DCX: variants seen among roughly 807,000 people sequenced by gnomAD.
The protein encoded by DCX is doublecortin, also known as neuronal migration protein doublecortin.
A neutral mutation model predicts 20.9 loss-of-function variants in DCX; 4 were observed. The observed-to-expected ratio is 0.19, with a 90% CI of 0.09 to 0.44. The LOEUF (loss-of-function observed/expected upper bound fraction) is 0.44. Ranked by LOEUF, DCX falls within the 20% of genes least tolerant of loss-of-function variation. The pLI, the probability that DCX is intolerant of heterozygous loss-of-function variation, is 0.99. For synonymous variants in DCX, 103 were observed against 111.4 expected (o/e 0.92, Z 0.47); for missense variants, 133 against 296.9 (o/e 0.45, Z 4.06).
intron 4 of DCX, among the ~76,000 whole-genome samples, chrX:111,332,777 G>T (rs1435169494): frequency 8.9e-6 from 1 of 112,003 alleles, no homozygotes; most frequent in East Asian, 2.8e-4. Context: ...GTTATCCCAT[G>T]TGACACAATA....
At chrX:111,314,572 A>G (rs1196214587) in intron 5 of DCX, among the ~76,000 whole-genome samples, 5 of 111,885 alleles carry the variant, frequency 4.5e-5, no homozygotes, top group Non-Finnish European at 7.5e-5. Context: ...AAAGTCTGCT[A>G]ATGGGTACAA....
chrX:111,397,729 AAAC>A (rs1426491242), intron 3 of DCX, among the ~76,000 whole-genome samples: 3 of 111,987 alleles, frequency 2.7e-5, no homozygotes, highest in South Asian at 7.5e-4. Context: ...TGTTTTATGT[AAAC>A]AACATTTTCT....
Position 111,364,615 on chromosome X carries a change from T to C in DCX, c.706-31462A>G, listed in dbSNP as rs190949790. Reference sequence around the variant, plus strand: ...TTGCAAGCATGTTCAAGGAGATGTGTACAATATACCATTTTTTTGTAATAG... The same window carrying C: ...TTGCAAGCATGTTCAAGGAGATGTGCACAATATACCATTTTTTTGTAATAG... On this transcript the variant is annotated intron_variant, in intron 3 of 6. Coordinates refer to ENST00000636035, the MANE Select transcript of DCX (RefSeq NM_001195553.2). 2.2e-4 allele frequency among the ~76,000 whole-genome samples: 25 copies of C among 112,068 alleles called. 1 individual carries two copies. Among genetic ancestry groups the C allele is most frequent in the Admixed American group, 1.4e-3 (15 of 10,555 alleles).
intron 3 of DCX, among the ~76,000 whole-genome samples, chrX:111,398,866 A>G (rs185939948): frequency 4.1e-4 from 46 of 112,183 alleles, no homozygotes; most frequent in Non-Finnish European, 7.9e-4. Context: ...TAATCCTAGC[A>G]CTTTGGAAGG....
In DCX at chrX:111,336,946, AAAG is replaced by A. The variant is rs201560369; in HGVS notation, c.706-3796_706-3794del. Among the ~76,000 whole-genome samples, 184 of 111,476 alleles carry A rather than the reference AAAG, an allele frequency of 1.7e-3. 1 individual carries two copies. Among genetic ancestry groups the A allele is most frequent in the East Asian group, 3.1e-3 (11 of 3,572 alleles). ...GGAGAGGGAGAAGGAGGGAGAAAAG[AAAG>A]AAGAAGAAGAAGGAAAAGAAGGAGG... On this transcript the variant is annotated intron_variant, in intron 3 of 6. Coordinates refer to ENST00000636035, the MANE Select transcript of DCX (RefSeq NM_001195553.2).
intron 3 of DCX, among the ~76,000 whole-genome samples, chrX:111,388,559 G>A (rs1926698854): frequency 8.9e-6 from 1 of 112,225 alleles, no homozygotes; most frequent in Non-Finnish European, 1.9e-5. Flanking sequence ...GGGGAATACT[G>A]GTCTAAACAC....
intron 6 of DCX, among the ~76,000 whole-genome samples, chrX:111,301,981 ATG>A (rs1450184352): frequency 4.5e-5 from 5 of 109,894 alleles, no homozygotes; most frequent in Non-Finnish European, 9.5e-5. Flanking sequence ...TGGGGTGTGT[ATG>A]TGTGTGTGTG....
chrX:111,296,691 G>T lies in DCX; in HGVS notation c.*4996C>A, dbSNP rs1464499866. On this transcript the variant is annotated 3_prime_UTR_variant, in exon 7 of 7. Coordinates refer to ENST00000636035, the MANE Select transcript of DCX (RefSeq NM_001195553.2). ...CAGGAGAATCGCTTCGACCTGGGAG[G>T]TGAAGGGTGAAGGTTGCAGCGAGCC... The T allele has an allele frequency of 9.2e-6, 1 of 108,450 alleles. No individual in the cohort carries two copies. Among genetic ancestry groups the T allele is most frequent in the Non-Finnish European group, 1.9e-5 (1 of 52,348 alleles). The allele number at this position is 108,450 out of a possible 1,213,427, so 8.9% of individuals were successfully genotyped here. A position where few individuals can be genotyped will look rare whatever the true frequency, so the allele number is the denominator to read the frequency against.
At chrX:111,406,604 C>T in intron 2 of DCX, among the ~76,000 whole-genome samples, 1 of 111,656 alleles carries the variant, frequency 9.0e-6, no homozygotes, top group Middle Eastern at 4.6e-3. Flanking sequence ...AAATATCATC[C>T]TTCAACAAAA....
chrX:111,323,213 T>A (rs2095090869), intron 5 of DCX, among the ~76,000 whole-genome samples: 1 of 112,010 alleles, frequency 8.9e-6, no homozygotes, highest in South Asian at 3.7e-4. Flanking sequence ...TTGGAATCAG[T>A]CAAAGTTTTA....
chrX:111,337,521 G>A (rs765386483), intron 3 of DCX, among the ~76,000 whole-genome samples: 1 of 111,662 alleles, frequency 9.0e-6, no homozygotes, highest in East Asian at 2.8e-4. Flanking sequence ...ACAGATCACG[G>A]TGTCAGAGAA....
intron 3 of DCX, among the ~76,000 whole-genome samples, chrX:111,352,220 C>G (rs1923368484): frequency 8.9e-6 from 1 of 112,135 alleles, no homozygotes; most frequent in Non-Finnish European, 1.9e-5. Context: ...AAAGAATTAT[C>G]TGGGCCAGAA....
intron 3 of DCX, among the ~76,000 whole-genome samples, chrX:111,380,873 G>T (rs962158004): frequency 1.8e-5 from 2 of 110,634 alleles, no homozygotes; most frequent in Non-Finnish European, 3.8e-5. Flanking sequence ...TGCGTGTTAT[G>T]ATATTATCTT....
intron 3 of DCX, among the ~76,000 whole-genome samples, chrX:111,343,663 G>A (rs932219542): frequency 8.9e-6 from 1 of 111,848 alleles, no homozygotes; most frequent in Non-Finnish European, 1.9e-5. Flanking sequence ...TATCCCTGAT[G>A]AACATAGATG....
chrX:111,314,187 T>G (rs971453632), intron 5 of DCX, among the ~76,000 whole-genome samples: 1 of 111,882 alleles, frequency 8.9e-6, no homozygotes, highest in African/African-American at 3.3e-5. Flanking sequence ...AAGCATTCAC[T>G]GTCTGGCTTA....
At chrX:111,371,705 G>T (rs1013870501) in intron 3 of DCX, among the ~76,000 whole-genome samples, 3 of 110,595 alleles carry the variant, frequency 2.7e-5, no homozygotes, top group Non-Finnish European at 3.8e-5. Flanking sequence ...ATGACAGATA[G>T]AAAAAATAGG....
At chrX:111,310,847 A>T (rs900171759) in intron 6 of DCX, among the ~76,000 whole-genome samples, 2 of 112,365 alleles carry the variant, frequency 1.8e-5, no homozygotes, top group Non-Finnish European at 3.8e-5. Context: ...ACCAGGAAAA[A>T]TAGTTTAACA....
chrX:111,342,507 C>T (rs1027895991), intron 3 of DCX, among the ~76,000 whole-genome samples: 8 of 103,989 alleles, frequency 7.7e-5, no homozygotes, highest in Admixed American at 3.2e-4. Context: ...GACATATCAA[C>T]GAGACAGAAA....
At chrX:111,351,372 T>C (rs868864303) in intron 3 of DCX, among the ~76,000 whole-genome samples, 3 of 111,807 alleles carry the variant, frequency 2.7e-5, no homozygotes, top group South Asian at 7.6e-4. Flanking sequence ...TAAATGAAAA[T>C]GAAGAAATGA....
Sources: gnomAD v4.1 joint callset for allele counts (sites outside exome capture counted in the v4.1 genomes callset) on GRCh38, gnomAD v4.1.1 for gene constraint, MANE v1.5 for transcripts, NCBI Gene and HGNC (gene_info 2026-07-23, HGNC 2026-07-21) for gene names.